SCFD2: variants seen among roughly 807,000 people sequenced by gnomAD.
SCFD2 encodes sec1 family domain-containing protein 2.
In SCFD2, 54 loss-of-function variants were observed where a neutral mutation model predicts 58.9. The ratio of observed to expected loss-of-function variants is 0.92; its 90% CI spans 0.74 to 1.15. The LOEUF (loss-of-function observed/expected upper bound fraction) is 1.15. Among genes scored for constraint, SCFD2 ranks in the 50% most tolerant of loss-of-function variants. SCFD2 has a pLI of 0.00. For synonymous variants in SCFD2, 321 were observed against 335.9 expected (o/e 0.96, Z 0.49); for missense variants, 805 against 836.6 (o/e 0.96, Z 0.47).
chr4:53,306,319 A>G (rs371767668), intron 3 of SCFD2, among the ~76,000 whole-genome samples: 1 of 152,204 alleles, frequency 6.6e-6, no homozygotes, highest in South Asian at 2.1e-4. Context: ...CTAGGAAACT[A>G]GAAGTAACAG....
intron 5 of SCFD2, among the ~76,000 whole-genome samples, chr4:53,055,769 C>G (rs923583245): frequency 1.1e-4 from 16 of 152,258 alleles, no homozygotes; most frequent in African/African-American, 3.8e-4. Flanking sequence ...CAAATGCCAT[C>G]TGGTTTATTT....
chr4:53,248,378 G>A (rs1212186419), intron 4 of SCFD2, among the ~76,000 whole-genome samples: 1 of 152,222 alleles, frequency 6.6e-6, no homozygotes, highest in African/African-American at 2.4e-5. Flanking sequence ...GCTTCCTTAA[G>A]TAAACAAAGC....
chr4:53,022,038 C>T (rs1577665542), intron 5 of SCFD2, among the ~76,000 whole-genome samples: 1 of 152,074 alleles, frequency 6.6e-6, no homozygotes, highest in Non-Finnish European at 1.5e-5. Context: ...ATGGTAAATG[C>T]CAATGGGGAT....
At chr4:52,902,644 C>T (rs993802794) in intron 7 of SCFD2, among the ~76,000 whole-genome samples, 5 of 152,266 alleles carry the variant, frequency 3.3e-5, no homozygotes, top group East Asian at 3.9e-4. Context: ...CAAATACTTA[C>T]GTAGTACTTA....
At chr4:53,116,149 C>T (rs1725312027) in intron 5 of SCFD2, among the ~76,000 whole-genome samples, 1 of 152,074 alleles carries the variant, frequency 6.6e-6, no homozygotes, top group Non-Finnish European at 1.5e-5. Context: ...ATAGAAATTC[C>T]TTTTGTTTTC....
intron 5 of SCFD2, among the ~76,000 whole-genome samples, chr4:53,020,532 T>C (rs558054829): frequency 3.3e-5 from 5 of 152,300 alleles, no homozygotes; most frequent in Non-Finnish European, 7.4e-5. Context: ...ATCATTCAAA[T>C]AGCTCTGGTG....
chr4:52,938,263 AAC>A (rs1399507664), intron 5 of SCFD2, among the ~76,000 whole-genome samples: 2 of 152,212 alleles, frequency 1.3e-5, no homozygotes, highest in Non-Finnish European at 2.9e-5. Flanking sequence ...TGAGAAAAAT[AAC>A]AGAGAGGTTG....
intron 5 of SCFD2, chr4:52,956,964 T>C (rs1213056541): frequency 6.6e-6 from 1 of 152,246 alleles, no homozygotes; most frequent in African/African-American, 2.4e-5. Context: ...CAAAATTCGA[T>C]TTGTGGTCAG....
chr4:52,898,280 G>T (rs1719080407), intron 7 of SCFD2, among the ~76,000 whole-genome samples: 2 of 152,170 alleles, frequency 1.3e-5, no homozygotes, highest in Admixed American at 1.3e-4. Context: ...GCTATCTCTT[G>T]TGGGCATTTA....
chr4:53,122,571 G>C (rs771266779), intron 5 of SCFD2, among the ~76,000 whole-genome samples: 4 of 152,092 alleles, frequency 2.6e-5, no homozygotes, highest in South Asian at 2.1e-4. Context: ...AGGGAATGTC[G>C]GAGCCTCTCG....
chr4:52,959,983 GA>G (rs1188770102), intron 5 of SCFD2, among the ~76,000 whole-genome samples: 11 of 151,784 alleles, frequency 7.2e-5, no homozygotes, highest in African/African-American at 2.2e-4. Flanking sequence ...AACAATGTGA[GA>G]GAAAATAGGC....
At chr4:53,156,904 C>T (rs1726707177) in intron 4 of SCFD2, among the ~76,000 whole-genome samples, 1 of 152,202 alleles carries the variant, frequency 6.6e-6, no homozygotes, top group Non-Finnish European at 1.5e-5. Flanking sequence ...TTCTTTCATG[C>T]AATAGCATTG....
intron 4 of SCFD2, among the ~76,000 whole-genome samples, chr4:53,253,563 A>T (rs962945382): frequency 3.4e-4 from 51 of 152,158 alleles, no homozygotes; most frequent in African/African-American, 1.2e-3. Flanking sequence ...GTAGCCATAA[A>T]AAATGATGAG....
rs79368976 is a variant in SCFD2, at chr4:52,924,507, A to C, written c.1562-3637T>G. ...TGCTGAAAAATAGTCGATTATGTCT[A>C]TTTTTCAAGCCAACTGTACATGGGC... is the stretch of plus-strand genomic sequence containing the variant. On this transcript the variant is annotated intron_variant, in intron 5 of 8. Coordinates refer to ENST00000401642, the MANE Select transcript of SCFD2 (RefSeq NM_152540.4). 5.4e-4 allele frequency among the ~76,000 whole-genome samples: 82 copies of C among 152,252 alleles called. 4 individuals carry two copies. In the East Asian group the frequency reaches 0.011, roughly 21 times the overall value.
chr4:53,331,242 G>A (rs541900430), intron 2 of SCFD2, among the ~76,000 whole-genome samples: 76 of 149,668 alleles, frequency 5.1e-4, no homozygotes, highest in Middle Eastern at 3.4e-3. Flanking sequence ...TGCACCAAGC[G>A]GACCTAATAG....
intron 5 of SCFD2, among the ~76,000 whole-genome samples, chr4:53,082,199 C>G (rs767770804): frequency 2.0e-5 from 3 of 152,090 alleles, no homozygotes; most frequent in Non-Finnish European, 4.4e-5. Context: ...CTTATTTCTC[C>G]TAGGTATAGG....
intron 5 of SCFD2, among the ~76,000 whole-genome samples, chr4:53,133,951 G>A (rs1261504878): frequency 6.6e-6 from 1 of 152,132 alleles, no homozygotes; most frequent in East Asian, 1.9e-4. Flanking sequence ...GTGCTTCAGG[G>A]AATACCAGAA....
intron 4 of SCFD2, among the ~76,000 whole-genome samples, chr4:53,194,580 C>T (rs1158381427): frequency 1.3e-5 from 2 of 152,098 alleles, no homozygotes; most frequent in Non-Finnish European, 2.9e-5. Flanking sequence ...CCAGTAGTTT[C>T]AATTTATTGT....
At chr4:53,158,709 A>T (rs1478753122) in intron 4 of SCFD2, among the ~76,000 whole-genome samples, 3 of 152,238 alleles carry the variant, frequency 2.0e-5, no homozygotes, top group Non-Finnish European at 2.9e-5. Flanking sequence ...AATCCTCCAG[A>T]CAAAGCCCTT....
Sources: allele counts gnomAD v4.1 joint callset (sites outside exome capture counted in the v4.1 genomes callset), GRCh38; gene constraint gnomAD v4.1.1; transcripts MANE v1.5; gene names NCBI Gene and HGNC (gene_info 2026-07-23, HGNC 2026-07-21).